Variants in NTM observed in about 807,000 individuals in gnomAD.
The protein encoded by NTM is neurotrimin, also known as IgLON family member 2.
A neutral mutation model predicts 42.1 loss-of-function variants in NTM; 13 were observed. The observed-to-expected ratio is 0.31, with a 90% CI of 0.20 to 0.49. The LOEUF (loss-of-function observed/expected upper bound fraction) is 0.49. NTM is among the 20% of genes least tolerant of loss of function. The pLI, the probability that NTM is intolerant of heterozygous loss-of-function variation, is 0.99. For synonymous variants in NTM, 187 were observed against 179.2 expected, an observed-to-expected ratio of 1.04 and a Z score of -0.35; for missense variants, 373 against 452.8, an observed-to-expected ratio of 0.82 and a Z score of 1.60.
intron 2 of NTM, among the ~76,000 whole-genome samples, chr11:131,930,517 A>G (rs1477439849): frequency 6.6e-6 from 1 of 152,228 alleles, no homozygotes; most frequent in African/African-American, 2.4e-5. Context: ...TATTTTATAT[A>G]CCAGCATGTG....
chr11:131,909,070 T>C (rs1256850349), intron 1 of NTM, among the ~76,000 whole-genome samples: 1 of 152,180 alleles, frequency 6.6e-6, no homozygotes, highest in African/African-American at 2.4e-5. Context: ...AGGGAACAAT[T>C]GGCCCAATGA....
intron 4 of NTM, among the ~76,000 whole-genome samples, chr11:132,248,488 G>T (rs964360507): frequency 6.6e-6 from 1 of 152,100 alleles, no homozygotes; most frequent in Non-Finnish European, 1.5e-5. Context: ...GCCTGAGCAA[G>T]CTGCCTCCTG....
At position 131,648,915 on chromosome 11, in the gene NTM, A is replaced by C. The variant is rs2066110122; in HGVS notation, c.83-262649A>C. 1.3e-5 allele frequency among the ~76,000 whole-genome samples: 2 copies of C among 152,240 alleles called. 1 individual carries two copies. The highest frequency in any genetic ancestry group is 4.1e-4 in the South Asian group (2 of 4,832). On this transcript the variant is annotated intron_variant, in intron 1 of 8. Coordinates refer to ENST00000683400, the MANE Select transcript of NTM (RefSeq NM_001352005.2). ...GGTGGCACATCCAGAAAGAAGACATAGAAGAATAAAAACCACCCAGGGTTA... is the reference window on the plus strand; with the variant it reads ...GGTGGCACATCCAGAAAGAAGACATCGAAGAATAAAAACCACCCAGGGTTA...
rs559318367 is a variant in NTM, at chr11:131,391,652, A to AG, written c.82+20764_82+20765insG. On this transcript the variant is annotated intron_variant, in intron 1 of 8. Coordinates refer to ENST00000683400, the MANE Select transcript of NTM (RefSeq NM_001352005.2). ...AAATGACTTTTATCTGGGAAAAAAAAAAAAAAAAAAAGAAAAGAAAAGAAG... is the reference window on the plus strand; with the variant it reads ...AAATGACTTTTATCTGGGAAAAAAAAGAAAAAAAAAAAGAAAAGAAAAGAAG... Among the ~76,000 whole-genome samples the AG allele has an allele frequency of 1.7e-4, 25 of 148,874 alleles. 1 individual carries two copies. In the East Asian group the frequency reaches 2.9e-3, roughly 17 times the overall value.
chr11:131,394,862 C>T (rs1021208170), intron 1 of NTM, among the ~76,000 whole-genome samples: 1 of 152,126 alleles, frequency 6.6e-6, no homozygotes, highest in Non-Finnish European at 1.5e-5. Flanking sequence ...GTCAATGGTG[C>T]ACTAAGGCAC....
At chr11:131,683,328 C>T (rs1297089918) in intron 1 of NTM, among the ~76,000 whole-genome samples, 1 of 152,220 alleles carries the variant, frequency 6.6e-6, no homozygotes, top group Non-Finnish European at 1.5e-5. Context: ...GCCCCTTCGG[C>T]AGGGCTGTCT....
At chr11:131,546,236 G>A (rs1443106132) in intron 1 of NTM, among the ~76,000 whole-genome samples, 1 of 152,118 alleles carries the variant, frequency 6.6e-6, no homozygotes, top group Non-Finnish European at 1.5e-5. Flanking sequence ...AATAGGTTGA[G>A]TATAAGCTTT....
chr11:131,746,596 C>T (rs1393216665), intron 1 of NTM, among the ~76,000 whole-genome samples: 2 of 152,174 alleles, frequency 1.3e-5, no homozygotes, highest in Non-Finnish European at 2.9e-5. Flanking sequence ...TCCTCCTGTA[C>T]AATTTGCAGT....
chr11:131,892,020 C>T (rs2051428620), intron 1 of NTM, among the ~76,000 whole-genome samples: 1 of 152,106 alleles, frequency 6.6e-6, no homozygotes, highest in Non-Finnish European at 1.5e-5. Flanking sequence ...AAGCTACAGC[C>T]CAGTAAAATA....
chr11:132,095,096 C>T (rs146122625), intron 2 of NTM, among the ~76,000 whole-genome samples: 2,837 of 152,280 alleles, frequency 0.019, 41 homozygotes, highest in African/African-American at 0.022. Flanking sequence ...CCGGCCTGCT[C>T]GGCGCTCCCC....
intron 2 of NTM, among the ~76,000 whole-genome samples, chr11:132,084,349 G>A (rs2059442354): frequency 6.6e-6 from 1 of 152,032 alleles, no homozygotes; most frequent in Admixed American, 6.6e-5. Context: ...TCAGACATTA[G>A]GATTTTAGAA....
At chr11:131,725,768 TGAA>T (rs1325673721) in intron 1 of NTM, among the ~76,000 whole-genome samples, 3 of 152,146 alleles carry the variant, frequency 2.0e-5, no homozygotes, top group Admixed American at 6.5e-5. Flanking sequence ...GGTGTTGAGC[TGAA>T]GAAGGACAGA....
chr11:131,742,667 T>C (rs138039464), intron 1 of NTM, among the ~76,000 whole-genome samples: 17 of 152,290 alleles, frequency 1.1e-4, no homozygotes, highest in African/African-American at 3.8e-4. Context: ...TTATTTAAAA[T>C]AGGGAAAGTC....
intron 4 of NTM, among the ~76,000 whole-genome samples, chr11:132,255,966 T>G (rs2092437229): frequency 2.0e-5 from 3 of 152,132 alleles, no homozygotes; most frequent in South Asian, 4.2e-4. Flanking sequence ...AACCAAAGAA[T>G]AATAATAATA....
At chr11:132,030,932 T>G (rs2075832487) in intron 2 of NTM, among the ~76,000 whole-genome samples, 1 of 152,164 alleles carries the variant, frequency 6.6e-6, no homozygotes. Context: ...GACTGAAAAT[T>G]GGGCTCAGGC....
chr11:131,698,749 G>T (rs770030434), intron 1 of NTM, among the ~76,000 whole-genome samples: 3 of 152,206 alleles, frequency 2.0e-5, no homozygotes, highest in African/African-American at 7.2e-5. Context: ...CCAGTGCCAG[G>T]CTTCCTTGTT....
At chr11:131,761,570 G>A (rs2084182686) in intron 1 of NTM, among the ~76,000 whole-genome samples, 1 of 152,100 alleles carries the variant, frequency 6.6e-6, no homozygotes, top group South Asian at 2.1e-4. Context: ...TTGGGCGGCT[G>A]AGGTGGGCAG....
intron 1 of NTM, among the ~76,000 whole-genome samples, chr11:131,845,685 A>G (rs2044814438): frequency 6.6e-6 from 1 of 151,946 alleles, no homozygotes; most frequent in African/African-American, 2.4e-5. Context: ...AATTCCTGTC[A>G]TTAAAAAAAA....
At chr11:132,195,965 T>A (rs371297041) in intron 3 of NTM, among the ~76,000 whole-genome samples, 1 of 152,032 alleles carries the variant, frequency 6.6e-6, no homozygotes, top group East Asian at 1.9e-4. Flanking sequence ...TGAGACCTAA[T>A]TAAACTTCTG....
Sources: gnomAD v4.1 joint callset for allele counts (sites outside exome capture counted in the v4.1 genomes callset) on GRCh38, gnomAD v4.1.1 for gene constraint, MANE v1.5 for transcripts, NCBI Gene and HGNC (gene_info 2026-07-23, HGNC 2026-07-21) for gene names.